CCDC170: variants seen among roughly 807,000 people sequenced by gnomAD.
The protein encoded by CCDC170 is coiled-coil domain-containing protein 170.
Under a neutral mutation model 72.6 loss-of-function variants are expected in CCDC170, and 69 were observed. The ratio of observed to expected loss-of-function variants is 0.95; its 90% CI spans 0.78 to 1.16. The LOEUF (loss-of-function observed/expected upper bound fraction) is 1.16. Ranked by LOEUF, CCDC170 falls within the 50% of genes most tolerant of loss-of-function variation. CCDC170 has a pLI of 0.00. For missense variants in CCDC170, 852 were observed against 832.5 expected (o/e 1.02, Z -0.29); for synonymous variants, 300 against 303.9 (o/e 0.99, Z 0.13).
chr6:151,555,252 G>A (rs28517362), intron 5 of CCDC170, among the ~76,000 whole-genome samples: 23,788 of 152,044 alleles, frequency 0.16, 2,294 homozygotes, highest in East Asian at 0.46. Flanking sequence ...GAATTAAATG[G>A]TAAAATATAC....
At chr6:151,616,445 G>A (rs1479556069) in intron 10 of CCDC170, among the ~76,000 whole-genome samples, 1 of 152,096 alleles carries the variant, frequency 6.6e-6, no homozygotes, top group East Asian at 1.9e-4. Context: ...AGGGCATAGA[G>A]TGGACTCTGA....
At chr6:151,557,992 C>T (rs1436086173) in intron 5 of CCDC170, among the ~76,000 whole-genome samples, 3 of 140,634 alleles carry the variant, frequency 2.1e-5, no homozygotes, top group South Asian at 4.8e-4. Context: ...CCCAGCTACT[C>T]GGGAGGCTGA....
At chr6:151,530,863 C>T (rs1186266811) in intron 1 of CCDC170, among the ~76,000 whole-genome samples, 2 of 151,968 alleles carry the variant, frequency 1.3e-5, no homozygotes, top group Non-Finnish European at 2.9e-5. Context: ...ATTTATGGCC[C>T]TTCTGATAAT....
At chr6:151,503,035 G>C (rs1301189373) in intron 1 of CCDC170, among the ~76,000 whole-genome samples, 1 of 152,082 alleles carries the variant, frequency 6.6e-6, no homozygotes, top group East Asian at 1.9e-4. Flanking sequence ...AAATTAGCTG[G>C]ACATGGTGGT....
In CCDC170 at chr6:151,543,940, C is replaced by T. The variant is rs192176687; in HGVS notation, c.444-632C>T. 1.4e-4 allele frequency among the ~76,000 whole-genome samples: 22 copies of T among 152,214 alleles called. No homozygotes were observed. The East Asian group carries it at 4.1e-3, about 28-fold the overall frequency. The stretch of plus-strand genomic sequence containing the variant: ...ACTGCAGTAAACATGGGGGTTCAGA[C>T]ATCTCTTCGATATACTGATTTTCTT... On this transcript the variant is annotated intron_variant, in intron 3 of 10. Transcript: ENST00000239374.
At chr6:151,561,748 T>C (rs1262118226) in intron 5 of CCDC170, among the ~76,000 whole-genome samples, 12 of 152,076 alleles carry the variant, frequency 7.9e-5, no homozygotes, top group Non-Finnish European at 1.8e-4. Flanking sequence ...TGAATCTGGA[T>C]GTCAACCTCT....
chr6:151,521,674 A>G (rs11155794), intron 1 of CCDC170, among the ~76,000 whole-genome samples: 9,827 of 152,258 alleles, frequency 0.065, 604 homozygotes, highest in East Asian at 0.34. Flanking sequence ...TAAGAACAAA[A>G]GCATTCTTAG....
intron 6 of CCDC170, among the ~76,000 whole-genome samples, chr6:151,584,513 T>G (rs1445289519): frequency 6.6e-6 from 1 of 152,190 alleles, no homozygotes; most frequent in Non-Finnish European, 1.5e-5. Context: ...ATGTATAATA[T>G]TTCAACTATA....
chr6:151,575,133 T>C (rs1299165116), intron 6 of CCDC170, among the ~76,000 whole-genome samples: 1 of 152,208 alleles, frequency 6.6e-6, no homozygotes, highest in Non-Finnish European at 1.5e-5. Context: ...ACCTAAATTA[T>C]AGAAGTCCTA....
intron 3 of CCDC170, among the ~76,000 whole-genome samples, chr6:151,540,488 C>G (rs1236451119): frequency 2.1e-5 from 3 of 140,294 alleles, no homozygotes; most frequent in African/African-American, 7.9e-5. Flanking sequence ...TGGGTTCAAG[C>G]AATTCTTGTG....
intron 5 of CCDC170, among the ~76,000 whole-genome samples, chr6:151,563,885 T>G (rs1465473184): frequency 6.6e-6 from 1 of 152,214 alleles, no homozygotes; most frequent in Admixed American, 6.5e-5. Flanking sequence ...TGCTTTCTTT[T>G]TCTGCAGCTC....
intron 5 of CCDC170, among the ~76,000 whole-genome samples, chr6:151,567,565 C>A (rs1214798261): frequency 6.6e-6 from 1 of 152,144 alleles, no homozygotes; most frequent in African/African-American, 2.4e-5. Context: ...CATCTTCAAT[C>A]CTTCATCTGT....
At chr6:151,551,432 C>T (rs7761420) in intron 5 of CCDC170, among the ~76,000 whole-genome samples, 72,312 of 152,058 alleles carry the variant, frequency 0.48, 19,055 homozygotes, top group Non-Finnish European at 0.6. Flanking sequence ...CTCTTGAGCA[C>T]GGTCTGGACT....
At chr6:151,495,504 C>CT (rs1259673777) in intron 1 of CCDC170, among the ~76,000 whole-genome samples, 4 of 151,144 alleles carry the variant, frequency 2.6e-5, no homozygotes, top group Non-Finnish European at 5.9e-5. Context: ...TTCTTTCTTT[C>CT]TTCTTTTTTT....
At chr6:151,531,465 G>A (rs1404443447) in intron 1 of CCDC170, among the ~76,000 whole-genome samples, 1 of 152,156 alleles carries the variant, frequency 6.6e-6, no homozygotes, top group Admixed American at 6.5e-5. Context: ...TTAGCCAGGT[G>A]TGGTGGCACA....
intron 1 of CCDC170, among the ~76,000 whole-genome samples, chr6:151,517,907 C>G (rs187723820): frequency 6.6e-6 from 1 of 151,716 alleles, no homozygotes; most frequent in Non-Finnish European, 1.5e-5. Flanking sequence ...TTTTTCTTTA[C>G]GGCCATTTGC....
chr6:151,507,730 G>T (rs1782085420), intron 1 of CCDC170, among the ~76,000 whole-genome samples: 1 of 151,990 alleles, frequency 6.6e-6, no homozygotes, highest in Admixed American at 6.6e-5. Context: ...AGACCATCCT[G>T]GCCAACATGG....
Position 151,615,593 on chromosome 6 carries a change from A to G in CCDC170, c.1861A>G (p.Arg621Gly). The change falls in exon 10 of 11, where the codon AGG becomes GGG. Residue 621 changes from arginine (R) to glycine (G), a missense_variant. Physicochemically the swap from Arg to Gly is moderately radical, Grantham distance 125. Transcript: ENST00000239374. ...ACATGAGGCTAAGGAGAATAAAGAA[A>G]GGGCCAGAAACATGATAGAAGTGGT... Reference protein sequence around the residue: ...TEHEAKENKERARNMIEVVTS... With the variant: ...TEHEAKENKEGARNMIEVVTS... 5 of 1,614,182 alleles carry G rather than the reference A, an allele frequency of 3.1e-6. No homozygotes were observed. The highest frequency in any genetic ancestry group is 2.5e-6 in the Non-Finnish European group (3 of 1,180,022).
At chr6:151,513,613 CAAAAA>C (rs71014591) in intron 1 of CCDC170, among the ~76,000 whole-genome samples, 2 of 45,998 alleles carry the variant, frequency 4.3e-5, no homozygotes, top group East Asian at 6.6e-4. Flanking sequence ...GGCTCCGTCT[CAAAAA>C]AAAAAAAAAA....
Sources: gnomAD v4.1 joint callset for allele counts (sites outside exome capture counted in the v4.1 genomes callset) on GRCh38, gnomAD v4.1.1 for gene constraint, MANE v1.5 for transcripts, NCBI Gene and HGNC (gene_info 2026-07-23, HGNC 2026-07-21) for gene names.